Variants in EIF2AK1 observed in about 807,000 individuals in gnomAD.
The protein encoded by EIF2AK1 is eukaryotic translation initiation factor 2 alpha kinase 1.
EIF2AK1 carries 54 observed loss-of-function variants against 77.9 expected under a neutral mutation model. The ratio of observed to expected loss-of-function variants is 0.69; its 90% CI spans 0.56 to 0.87. EIF2AK1 has a LOEUF of 0.87. Ranked by LOEUF, EIF2AK1 falls within the 40% of genes least tolerant of loss-of-function variation. The pLI is 0.00. For missense variants in EIF2AK1, 810 were observed against 768.6 expected, an observed-to-expected ratio of 1.05 and a Z score of -0.64; for synonymous variants, 314 against 290.5, an observed-to-expected ratio of 1.08 and a Z score of -0.82.
At chr7:6,025,023 G>C (rs1330515640) in intron 14 of EIF2AK1, among the ~76,000 whole-genome samples, 1 of 151,818 alleles carries the variant, frequency 6.6e-6, no homozygotes, top group African/African-American at 2.4e-5. Context: ...ATTTTTAGTA[G>C]AGATGAGGTT....
chr7:6,043,106 G>T, intron 7 of EIF2AK1, 113 bp from the exon 8 acceptor site: 1 of 1,058,594 alleles, frequency 9.4e-7, no homozygotes, highest in Non-Finnish European at 1.4e-6. Context: ...GTCTAAAAAT[G>T]TCATGACCTT....
In EIF2AK1 at chr7:6,032,768, G is replaced by T; in HGVS notation, c.1333-3736C>A. 6 of 1,290,450 alleles carry T rather than the reference G, an allele frequency of 4.6e-6. No homozygotes were observed. The highest frequency in any genetic ancestry group is 6.5e-6 in the Non-Finnish European group (6 of 921,166). 79.9% of individuals were successfully genotyped at this position (1,290,450 alleles called of 1,614,324 possible). On this transcript the variant is annotated intron_variant, in intron 11 of 14. Coordinates refer to ENST00000199389, the MANE Select transcript of EIF2AK1 (RefSeq NM_014413.4). This position sits in a 1 kb window ranked among gnomAD's most constrained non-coding sequence, Gnocchi z 4.3. ...TAAATAAATGTATTGCCTTTGAAAC[G>T]GCAAGCTAACACAAACAGTATTTTT...
At chr7:6,026,603 C>G in intron 14 of EIF2AK1, 125 bp downstream of exon 14, 1 of 784,790 alleles carries the variant, frequency 1.3e-6, no homozygotes, top group Admixed American at 2.0e-5. Context: ...CAGGCCCCGC[C>G]TCCAGAACCA....
Position 6,024,057 on chromosome 7 carries a change from T to C in EIF2AK1, c.*616A>G. Reference sequence around the variant, plus strand: ...GAAAGAGATCTGAGCTGCCTGGAGATCATCTGGGGTGCGGAGTACAAAGCT... The same window carrying C: ...GAAAGAGATCTGAGCTGCCTGGAGACCATCTGGGGTGCGGAGTACAAAGCT... On this transcript the variant is annotated 3_prime_UTR_variant, in exon 15 of 15. Coordinates refer to ENST00000199389, the MANE Select transcript of EIF2AK1 (RefSeq NM_014413.4). 1 of 1,308,228 alleles carries C rather than the reference T, an allele frequency of 7.6e-7. No homozygotes were observed. Among genetic ancestry groups the C allele is most frequent in the Non-Finnish European group, 1.0e-6 (1 of 1,002,220 alleles). The allele number at this position is 1,308,228 out of a possible 1,614,324, so 81.0% of individuals were successfully genotyped here.
At chr7:6,044,148 CT>C (rs1583490970) in intron 7 of EIF2AK1, among the ~76,000 whole-genome samples, 2 of 151,832 alleles carry the variant, frequency 1.3e-5, no homozygotes, top group Non-Finnish European at 2.9e-5. Context: ...ACAAAATCTT[CT>C]GATTTTGTTT....
At chr7:6,034,039 C>T (rs1787994379) in intron 11 of EIF2AK1, among the ~76,000 whole-genome samples, 6 of 150,540 alleles carry the variant, frequency 4.0e-5, no homozygotes, top group South Asian at 2.1e-4. Context: ...TAGTATAGGC[C>T]GGGCGCGGTG....
At chr7:6,057,386 A>T (rs2128452558) in intron 1 of EIF2AK1, 1 of 152,090 alleles carries the variant, frequency 6.6e-6, no homozygotes, top group African/African-American at 2.4e-5. Flanking sequence ...TACAGGAATA[A>T]CTTGTAGCTT....
Position 6,047,005 on chromosome 7 carries a change from C to G in EIF2AK1, c.536G>C (p.Gly179Ala). ...GTGGAAGACAACCTTGTATACTCTT[C>G]CGTATCCACCTTTTCCTAAGATGGC... The part of the protein sequence containing the change: ...ELAILGKGGY[G>A]RVYKVRNKLD... The change falls in exon 5 of 15, where the codon GGA becomes GCA. Residue 179 changes from glycine to alanine, a missense_variant. Gly to Ala is a moderately conservative substitution (Grantham distance 60, BLOSUM62 0). Transcript: ENST00000199389. 3 of 1,612,622 alleles carry G rather than the reference C, an allele frequency of 1.9e-6. No individual in the cohort carries two copies. The highest frequency in any genetic ancestry group is 2.5e-6 in the Non-Finnish European group (3 of 1,179,802).
chr7:6,056,421 C>A (rs186238417), intron 1 of EIF2AK1, among the ~76,000 whole-genome samples: 1 of 149,612 alleles, frequency 6.7e-6, no homozygotes, highest in Admixed American at 6.7e-5. Context: ...GGTGAAACCC[C>A]GTCTCTACCA....
intron 1 of EIF2AK1, among the ~76,000 whole-genome samples, chr7:6,057,074 G>A (rs1788795640): frequency 6.7e-6 from 1 of 150,236 alleles, no homozygotes; most frequent in Admixed American, 6.7e-5. Flanking sequence ...AGGAGGATCC[G>A]TTGAACCCAG....
chr7:6,046,889 G>C, intron 5 of EIF2AK1, 103 bp downstream of exon 5: 2 of 1,093,842 alleles, frequency 1.8e-6, no homozygotes, highest in South Asian at 1.7e-5. Flanking sequence ...GACAGAGCGA[G>C]ACTCCATCTC....
At chr7:6,047,250 T>A in intron 4 of EIF2AK1, 159 bp from the exon 5 acceptor site, 1 of 786,470 alleles carries the variant, frequency 1.3e-6, no homozygotes, top group Non-Finnish European at 2.2e-6. Context: ...TTCATCCCTA[T>A]GAAGAAAACA....
At position 6,024,710 on chromosome 7, in the gene EIF2AK1, C is replaced by A. The variant is rs145785371; in HGVS notation, c.1856G>T (p.Gly619Val). 19 of 1,610,048 alleles carry A rather than the reference C, an allele frequency of 1.2e-5. No individual in the cohort carries two copies. In the African/African-American group the frequency reaches 2.5e-4, roughly 22 times the overall value. The change falls in exon 15 of 15, where the codon GGG becomes GTG. Residue 619 changes from glycine to valine, a missense_variant. Around this residue, in one of 3 missense-constraint regions of EIF2AK1, gnomAD observed 549 missense variants for 533.7 expected, o/e 1.03. Transcript: ENST00000199389. ...CCCATCCTTTCCGTCATCCCTCACC[C>A]CTTTGTCTTGAGAAAGGAGGTTTAG... ...KQLNLLSQDK[G>V]VRDDGKDGGV... is the part of the protein sequence containing the mutation.
In EIF2AK1 at chr7:6,033,553, G is replaced by C. The variant is rs886725990; in HGVS notation, c.1332+3871C>G. ...AAGTTTAACCACCAAAGTTAGGTGTGAAAAATAAAATATAGGTAGACAATG... is the reference window on the plus strand; with the variant it reads ...AAGTTTAACCACCAAAGTTAGGTGTCAAAAATAAAATATAGGTAGACAATG... On this transcript the variant is annotated intron_variant, in intron 11 of 14. Coordinates refer to ENST00000199389, the MANE Select transcript of EIF2AK1 (RefSeq NM_014413.4). This position sits in a 1 kb window ranked among gnomAD's most constrained non-coding sequence, Gnocchi z 4.4. 6.6e-6 allele frequency among the ~76,000 whole-genome samples: 1 copy of C among 152,066 alleles called. No homozygotes were observed. The highest frequency in any genetic ancestry group is 1.5e-5 in the Non-Finnish European group (1 of 68,008).
chr7:6,035,958 AAGGG>A lies in EIF2AK1; in HGVS notation c.1332+1462_1332+1465del. The A allele has an allele frequency of 6.5e-7, 1 of 1,549,774 alleles. No homozygotes were observed. Among genetic ancestry groups the A allele is most frequent in the Non-Finnish European group, 8.7e-7 (1 of 1,146,298 alleles). On this transcript the variant is annotated intron_variant, in intron 11 of 14. Coordinates refer to ENST00000199389, the MANE Select transcript of EIF2AK1 (RefSeq NM_014413.4). The surrounding 1 kb of genome is among the most constrained non-coding windows in gnomAD (Gnocchi z 5.5). The stretch of plus-strand genomic sequence containing the variant: ...AGCCAAAGTCAACGCCCAGGACTAC[AAGGG>A]CCAAACAGCCATCCATGAGGCATGC...
In EIF2AK1 at chr7:6,044,979, G is replaced by C. The variant is rs77273237; in HGVS notation, c.631-318C>G. On this transcript the variant is annotated intron_variant, in intron 6 of 14. Coordinates refer to ENST00000199389, the MANE Select transcript of EIF2AK1 (RefSeq NM_014413.4). Reference sequence around the variant, plus strand: ...TTCGGTAGGTTATGCATATTAAAATGCATCTCCAATTTACAATATTTTCAA... The same window carrying C: ...TTCGGTAGGTTATGCATATTAAAATCCATCTCCAATTTACAATATTTTCAA... Among the ~76,000 whole-genome samples the C allele has an allele frequency of 9.7e-3, 1,472 of 152,220 alleles. 15 individuals are homozygous for C. Among genetic ancestry groups the C allele is most frequent in the Middle Eastern group, 0.041 (12 of 294 alleles).
Position 6,049,982 on chromosome 7 carries a change from C to G in EIF2AK1, c.341G>C (p.Ser114Thr). ...LSSFTCSDEF[S>T]SLRLHHNRAI... ...TCTGTTGTGATGTAGTCTCAATGAG[C>G]TAAACTCGTCACTACAAGTGAAAGA... Residue 114 changes from serine to threonine, a missense_variant, in exon 3 of 15, where the codon AGC (serine) becomes ACC (threonine). Physicochemically the swap from Ser to Thr is moderately conservative, Grantham distance 58. Transcript: ENST00000199389. 1.2e-6 allele frequency: 2 copies of G among 1,613,164 alleles called. No homozygotes were observed. The highest frequency in any genetic ancestry group is 1.7e-6 in the Non-Finnish European group (2 of 1,179,658).
In EIF2AK1 at chr7:6,044,349, T is replaced by TA. The variant is rs201655850; in HGVS notation, c.730+212dup. On this transcript the variant is annotated intron_variant, in intron 7 of 14. Coordinates refer to ENST00000199389, the MANE Select transcript of EIF2AK1 (RefSeq NM_014413.4). ...AGCTGGCCGTGGTGGCGGGCACCTGTAGCCCCAGCTACTCAGGAGGCTGAG... is the reference window on the plus strand; with the variant it reads ...AGCTGGCCGTGGTGGCGGGCACCTGTAAGCCCCAGCTACTCAGGAGGCTGAG... 7.6e-3 allele frequency among the ~76,000 whole-genome samples: 1,149 copies of TA among 151,720 alleles called. 12 individuals are homozygous for TA. The highest frequency in any genetic ancestry group is 0.027 in the African/African-American group (1,113 of 41,346).
chr7:6,058,798 G>A (rs184464320), intron 1 of EIF2AK1, among the ~76,000 whole-genome samples, 168 bp downstream of exon 1: 16 of 152,338 alleles, frequency 1.1e-4, no homozygotes, highest in African/African-American at 3.8e-4. Flanking sequence ...CTTACCCGAC[G>A]GCCCGCCCGC....
Sources: gnomAD v4.1 joint callset for allele counts (sites outside exome capture counted in the v4.1 genomes callset) on GRCh38, gnomAD v4.1.1 for gene constraint, gnomAD v4.1.1 regional missense constraint, Gnocchi (gnomAD v3.1) non-coding constraint, MANE v1.5 for transcripts, NCBI Gene and HGNC (gene_info 2026-07-23, HGNC 2026-07-21) for gene names.